The following DGKG variants were observed in gnomAD, a reference collection of about 807,000 sequenced individuals.
The protein encoded by DGKG is diacylglycerol kinase gamma.
DGKG carries 78 observed loss-of-function variants against 105.3 expected under a neutral mutation model. The observed-to-expected ratio is 0.74, with a 90% CI of 0.62 to 0.89. The LOEUF (loss-of-function observed/expected upper bound fraction) is 0.89. DGKG is among the 40% of genes least tolerant of loss of function. The probability of loss-of-function intolerance (pLI) is 0.00; values close to 1 mark genes in which losing one functional copy is unlikely to be tolerated. For synonymous variants in DGKG, 346 were observed against 367.1 expected (o/e 0.94, Z 0.66); for missense variants, 958 against 1,020.1 (o/e 0.94, Z 0.83).
chr3:186,221,496 C>T (rs1026275078), intron 20 of DGKG, among the ~76,000 whole-genome samples: 58 of 152,118 alleles, frequency 3.8e-4, no homozygotes, highest in African/African-American at 1.2e-3. Flanking sequence ...TGGCAGTTAA[C>T]GGAGAGCAAA....
At chr3:186,346,312 C>T (rs1726329176) in intron 1 of DGKG, among the ~76,000 whole-genome samples, 2 of 152,166 alleles carry the variant, frequency 1.3e-5, no homozygotes, top group African/African-American at 4.8e-5. Context: ...TTCATCTCAG[C>T]TTTATTCTTA....
At chr3:186,288,450 T>C (rs1723168128) in intron 6 of DGKG, among the ~76,000 whole-genome samples, 1 of 152,216 alleles carries the variant, frequency 6.6e-6, no homozygotes, top group Non-Finnish European at 1.5e-5. Flanking sequence ...ATGGGACCCC[T>C]TCCCTTTCCA....
intron 2 of DGKG, among the ~76,000 whole-genome samples, chr3:186,309,995 G>A (rs1335385249): frequency 1.1e-4 from 16 of 151,276 alleles, no homozygotes; most frequent in African/African-American, 3.6e-4. Flanking sequence ...ACAGCCGGGC[G>A]CGGTGGCTCA....
intron 24 of DGKG, among the ~76,000 whole-genome samples, chr3:186,151,593 G>C (rs1395853609): frequency 6.6e-6 from 1 of 152,216 alleles, no homozygotes; most frequent in East Asian, 1.9e-4. Flanking sequence ...GGACACAGGT[G>C]GGGCAGCTGG....
Position 186,147,510 on chromosome 3 carries a change from A to C in DGKG, c.*2580T>G. ...ATTTGCAAGGCACGATTAAACAACA[A>C]CACAAGATTTACTAAGGTTACCAAA... On this transcript the variant is annotated 3_prime_UTR_variant, in exon 25 of 25. Transcript: ENST00000265022. 3.0e-6 allele frequency: 3 copies of C among 985,420 alleles called. No individual in the cohort carries two copies. Among genetic ancestry groups the C allele is most frequent in the Non-Finnish European group, 3.6e-6 (3 of 829,918 alleles). 61.0% of individuals were successfully genotyped at this position (985,420 alleles called of 1,614,324 possible).
At chr3:186,209,812 A>C (rs1170458496) in intron 21 of DGKG, among the ~76,000 whole-genome samples, 1 of 152,064 alleles carries the variant, frequency 6.6e-6, no homozygotes, top group African/African-American at 2.4e-5. Context: ...ATTCACCGCT[A>C]TTCTCTGGAT....
At position 186,150,655 on chromosome 3, in the gene DGKG, C is replaced by T. The variant is rs538703858; in HGVS notation, c.2278-467G>A. On this transcript the variant is annotated intron_variant, in intron 24 of 24. Coordinates refer to ENST00000265022, the MANE Select transcript of DGKG (RefSeq NM_001346.3). ...AGTGCTGAGATGTCAATCAAGTGAC[C>T]GAGGCTTTGGTCTGACCTCTGACCA... Among the ~76,000 whole-genome samples, 43 of 152,312 alleles carry T rather than the reference C, an allele frequency of 2.8e-4. No individual in the cohort carries two copies. In the South Asian group the frequency reaches 6.0e-3, roughly 21 times the overall value.
chr3:186,183,928 T>A (rs762265393), intron 22 of DGKG, among the ~76,000 whole-genome samples: 1 of 152,148 alleles, frequency 6.6e-6, no homozygotes, highest in Non-Finnish European at 1.5e-5. Flanking sequence ...GGTCTCGAAC[T>A]CCCAACTTCA....
intron 22 of DGKG, among the ~76,000 whole-genome samples, chr3:186,166,188 T>C (rs1010286305): frequency 1.3e-5 from 2 of 152,208 alleles, no homozygotes; most frequent in African/African-American, 2.4e-5. Flanking sequence ...AAACAAACCA[T>C]TGGGCTGACC....
chr3:186,223,756 G>A (rs531571115), intron 20 of DGKG, among the ~76,000 whole-genome samples: 56 of 152,240 alleles, frequency 3.7e-4, no homozygotes, highest in African/African-American at 1.2e-3. Flanking sequence ...CCACTCTGAC[G>A]TTTGTGACTT....
At chr3:186,289,608 T>A (rs1162272772) in intron 5 of DGKG, among the ~76,000 whole-genome samples, 1 of 152,218 alleles carries the variant, frequency 6.6e-6, no homozygotes, top group East Asian at 1.9e-4. Context: ...TTCTATTTTT[T>A]GAGACACTTT....
intron 7 of DGKG, among the ~76,000 whole-genome samples, chr3:186,282,315 A>G (rs568343671): frequency 6.6e-6 from 1 of 152,348 alleles, no homozygotes. Flanking sequence ...CACCCCCAGC[A>G]GTGGAATGGC....
Position 186,326,311 on chromosome 3 carries a change from G to C in DGKG, c.-248-5604C>G, listed in dbSNP as rs1055027967. On this transcript the variant is annotated intron_variant, in intron 1 of 24. Transcript: ENST00000265022. ...GGAGGCTGAGGTAGGAGAATTGCTC[G>C]AACCTGGGAGGTGGGGGTTGGATGT... Among the ~76,000 whole-genome samples the C allele has an allele frequency of 3.3e-5, 5 of 152,074 alleles. No homozygotes were observed. In the South Asian group the frequency reaches 1.0e-3, roughly 32 times the overall value.
chr3:186,360,347 A>G lies in DGKG; in HGVS notation c.-249+1599T>C, dbSNP rs1727168324. On this transcript the variant is annotated intron_variant, in intron 1 of 24. Transcript: ENST00000265022. The stretch of plus-strand genomic sequence containing the variant: ...AGCTTCCCACCCTAAAGCCCCTCCC[A>G]GAAAAATACCTGTAGTAATGCCTAT... Among the ~76,000 whole-genome samples the G allele has an allele frequency of 2.6e-5, 4 of 152,142 alleles. No homozygotes were observed. The South Asian group carries it at 8.3e-4, about 32-fold the overall frequency.
rs1018384947 is a variant in DGKG, at chr3:186,160,421, C to T, written c.2277+1182G>A. The T allele has an allele frequency of 2.9e-5, 29 of 985,290 alleles. No homozygotes were observed. In the African/African-American group the frequency reaches 4.7e-4, roughly 16 times the overall value. The allele number at this position is 985,290 out of a possible 1,614,324, so 61.0% of individuals were successfully genotyped here. A position where few individuals can be genotyped will look rare whatever the true frequency, so the allele number is the denominator to read the frequency against. On this transcript the variant is annotated intron_variant, in intron 24 of 24. Transcript: ENST00000265022. ...CATCAAATGATAAATAGTAGAAATT[C>T]CCTCTATGCGTCCTAACTCCAGCAA...
At chr3:186,302,496 A>G (rs1420118930) in intron 3 of DGKG, among the ~76,000 whole-genome samples, 31 of 10,188 alleles carry the variant, frequency 3.0e-3, no homozygotes, top group East Asian at 4.5e-3. Context: ...ATATATATAT[A>G]TATATATATA....
At chr3:186,250,672 C>T (rs1373644025) in intron 19 of DGKG, among the ~76,000 whole-genome samples, 1 of 150,812 alleles carries the variant, frequency 6.6e-6, no homozygotes, top group Non-Finnish European at 1.5e-5. Context: ...GCCTCAGCCT[C>T]CCGAGTAGCT....
intron 18 of DGKG, 144 bp from the exon 19 acceptor site, chr3:186,252,063 T>G: frequency 1.8e-5 from 12 of 671,550 alleles, no homozygotes; most frequent in East Asian, 6.4e-5. Flanking sequence ...GACACTTACG[T>G]TCCCCGAGCC....
At chr3:186,161,260 T>C (rs1342749028) in intron 24 of DGKG, 1 of 1,056,420 alleles carries the variant, frequency 9.5e-7, no homozygotes, top group Non-Finnish European at 1.1e-6. Context: ...CCTTTTGAGG[T>C]AGTAAATTCC....
Sources: allele counts gnomAD v4.1 joint callset (sites outside exome capture counted in the v4.1 genomes callset), GRCh38; gene constraint gnomAD v4.1.1; transcripts MANE v1.5; gene names NCBI Gene and HGNC (gene_info 2026-07-23, HGNC 2026-07-21).